STXBP4: variants seen among roughly 807,000 people sequenced by gnomAD.
STXBP4 encodes syntaxin-binding protein 4.
In STXBP4, 55 loss-of-function variants were observed where a neutral mutation model predicts 76.1. The ratio of observed to expected loss-of-function variants is 0.72; its 90% CI spans 0.58 to 0.91. The LOEUF (loss-of-function observed/expected upper bound fraction) is 0.91, where lower values mean the gene tolerates loss of function less well. Ranked by LOEUF, STXBP4 falls within the 40% of genes least tolerant of loss-of-function variation. STXBP4 has a pLI of 0.00. For missense variants in STXBP4, 618 were observed against 636.9 expected (o/e 0.97, Z 0.32); for synonymous variants, 201 against 220.2 (o/e 0.91, Z 0.77).
intron 8 of STXBP4, among the ~76,000 whole-genome samples, chr17:55,012,354 A>G (rs2144575158): frequency 6.6e-6 from 1 of 152,294 alleles, no homozygotes; most frequent in African/African-American, 2.4e-5. Context: ...ACCCCATAGT[A>G]GGGTTCCTTC....
the STXBP4 span, among the ~76,000 whole-genome samples, chr17:55,188,482 T>C: frequency 1.9e-3 from 285 of 152,302 alleles, 1 homozygote; most frequent in African/African-American, 6.4e-3. Context: ...CCTAGAACAG[T>C]GATACCTGGG....
chr17:54,976,202 G>T (rs2077472085), intron 1 of STXBP4, among the ~76,000 whole-genome samples: 1 of 152,144 alleles, frequency 6.6e-6, no homozygotes, highest in African/African-American at 2.4e-5. Context: ...TGAGAGCAGT[G>T]AGCTGTTGTG....
intron 16 of STXBP4, among the ~76,000 whole-genome samples, chr17:55,117,963 T>C (rs1317098768): frequency 2.6e-5 from 4 of 151,962 alleles, no homozygotes; most frequent in Admixed American, 6.6e-5. Flanking sequence ...GGACATTTTT[T>C]TGAAAGCTTA....
intron 17 of STXBP4, among the ~76,000 whole-genome samples, chr17:55,143,870 GCC>G (rs2080120600): frequency 6.6e-6 from 1 of 152,006 alleles, no homozygotes; most frequent in African/African-American, 2.4e-5. Context: ...TCCCCAAAGG[GCC>G]ATAGTAGATC....
At chr17:55,075,810 A>G (rs1567750217) in intron 13 of STXBP4, among the ~76,000 whole-genome samples, 1 of 152,168 alleles carries the variant, frequency 6.6e-6, no homozygotes, top group African/African-American at 2.4e-5. Context: ...CTAGCTCATG[A>G]GAGCTGATTG....
chr17:55,051,098 A>G (rs1276418821), intron 12 of STXBP4, among the ~76,000 whole-genome samples: 3 of 152,202 alleles, frequency 2.0e-5, no homozygotes, highest in Non-Finnish European at 4.4e-5. Flanking sequence ...GAAATTGATT[A>G]CCTACAACAT....
At chr17:55,123,080 A>G (rs996462227) in intron 16 of STXBP4, among the ~76,000 whole-genome samples, 1 of 152,168 alleles carries the variant, frequency 6.6e-6, no homozygotes, top group South Asian at 2.1e-4. Context: ...GCAGACACAC[A>G]ATTTTAAGAA....
At chr17:55,004,428 A>G (rs2077971359) in intron 7 of STXBP4, among the ~76,000 whole-genome samples, 2 of 152,094 alleles carry the variant, frequency 1.3e-5, no homozygotes, top group African/African-American at 4.8e-5. Flanking sequence ...GAGGCCAGGC[A>G]TGGTGGCTCA....
chr17:55,180,714 AT>A, the STXBP4 span, among the ~76,000 whole-genome samples: 2 of 152,148 alleles, frequency 1.3e-5, no homozygotes, highest in Non-Finnish European at 2.9e-5. Flanking sequence ...ACACCTCACT[AT>A]TACCAGTGTG....
chr17:55,029,131 G>T (rs1247662546), intron 8 of STXBP4, among the ~76,000 whole-genome samples: 1 of 151,802 alleles, frequency 6.6e-6, no homozygotes, highest in East Asian at 1.9e-4. Flanking sequence ...TTCATACAAC[G>T]GATTACTGTT....
Position 55,114,404 on chromosome 17 carries a change from G to A in STXBP4, c.1490-26906G>A, listed in dbSNP as rs183256242. 1.4e-3 allele frequency among the ~76,000 whole-genome samples: 214 copies of A among 152,076 alleles called. 1 individual carries two copies. The highest frequency in any genetic ancestry group is 4.9e-3 in the African/African-American group (204 of 41,528). ...AAAACAGGATAATAAACTAAGTAAA[G>A]CATGTGATTGGCTGTATCACAGTTA... is the stretch of plus-strand genomic sequence containing the variant. On this transcript the variant is annotated intron_variant, in intron 16 of 17. Coordinates refer to ENST00000376352, the MANE Select transcript of STXBP4 (RefSeq NM_178509.6).
intron 1 of STXBP4, among the ~76,000 whole-genome samples, chr17:54,969,559 A>G (rs1476068793): frequency 6.6e-6 from 1 of 152,178 alleles, no homozygotes; most frequent in Non-Finnish European, 1.5e-5. Context: ...GGAAATCAGA[A>G]CAGTAAATGA....
intron 8 of STXBP4, among the ~76,000 whole-genome samples, chr17:55,017,742 A>G (rs2078234415): frequency 6.6e-6 from 1 of 152,180 alleles, no homozygotes; most frequent in Non-Finnish European, 1.5e-5. Flanking sequence ...GGCTTCCCCA[A>G]GAAAATTGAA....
At chr17:55,077,747 T>C (rs1222527083) in intron 13 of STXBP4, among the ~76,000 whole-genome samples, 3 of 151,196 alleles carry the variant, frequency 2.0e-5, no homozygotes, top group Admixed American at 6.6e-5. Context: ...CATTTTTAGT[T>C]ATGTTAAATT....
intron 16 of STXBP4, among the ~76,000 whole-genome samples, chr17:55,140,086 T>C (rs1462851427): frequency 3.9e-5 from 6 of 152,120 alleles, no homozygotes; most frequent in Non-Finnish European, 7.4e-5. Context: ...GGAGGGTCAC[T>C]TGAGCCCAGG....
chr17:54,987,292 G>C (rs2077639931), intron 3 of STXBP4, among the ~76,000 whole-genome samples: 1 of 151,898 alleles, frequency 6.6e-6, no homozygotes. Context: ...TTTTATTCTT[G>C]GTCCTTTTGT....
chr17:55,047,026 T>G, intron 11 of STXBP4, 63 bp from the exon 12 acceptor site: 1 of 955,472 alleles, frequency 1.0e-6, no homozygotes, highest in South Asian at 1.4e-5. Flanking sequence ...AACAAGGGAC[T>G]AAGAAGTCAC....
the STXBP4 span, among the ~76,000 whole-genome samples, chr17:55,193,091 A>G: frequency 1.3e-5 from 2 of 152,162 alleles, no homozygotes; most frequent in Non-Finnish European, 2.9e-5. Flanking sequence ...TGAAAGCTAC[A>G]TAAAGGACTG....
rs1383382540 is a variant in STXBP4, at chr17:55,165,167, A to T, written c.*5256A>T. 3 of 152,200 alleles carry T rather than the reference A, an allele frequency of 2.0e-5. No homozygotes were observed. Among genetic ancestry groups the T allele is most frequent in the African/African-American group, 7.2e-5 (3 of 41,444 alleles). The allele number at this position is 152,200 out of a possible 1,614,324, so 9.4% of individuals were successfully genotyped here. ...ATTTCAAAAATTTAGCTCCTTGGGG[A>T]ACTAGAAAGGATTTATGATTTAGGT... On this transcript the variant is annotated 3_prime_UTR_variant, in exon 18 of 18. Coordinates refer to ENST00000376352, the MANE Select transcript of STXBP4 (RefSeq NM_178509.6).
Sources: gnomAD v4.1 joint callset for allele counts (sites outside exome capture counted in the v4.1 genomes callset) on GRCh38, gnomAD v4.1.1 for gene constraint, MANE v1.5 for transcripts, NCBI Gene and HGNC (gene_info 2026-07-23, HGNC 2026-07-21) for gene names.